CTSB: variants seen among roughly 807,000 people sequenced by gnomAD.
The protein encoded by CTSB is cathepsin B, also known as APP secretase.
A neutral mutation model predicts 44.3 loss-of-function variants in CTSB; 57 were observed. The ratio of observed to expected loss-of-function variants is 1.29; its 90% CI spans 1.04 to 1.60. CTSB has a LOEUF of 1.60. Among genes scored for constraint, CTSB ranks in the 40% most tolerant of loss-of-function variants. CTSB has a pLI of 0.00. For synonymous variants in CTSB, 320 were observed against 168.0 expected (o/e 1.91, Z -7.00); for missense variants, 768 against 443.0 (o/e 1.73, Z -6.59).
chr8:11,853,646 C>T (rs80278310), intron 1 of CTSB, 167 bp from the exon 2 acceptor site: 6,792 of 634,154 alleles, frequency 0.011, 70 homozygotes, highest in Admixed American at 0.016. Context: ...CCCCCCTGCC[C>T]GAAGCACGCC....
Position 11,845,141 on chromosome 8 carries a change from T to G in CTSB, c.1004A>C (p.Tyr335Ser). ...VVAGIPRTDQ[Y>S]WEKI ...CACGGCAGATTAGATCTTTTCCCAGTACTGATCGGTGCGTGGAATTCCAGC... is the reference window on the plus strand; with the variant it reads ...CACGGCAGATTAGATCTTTTCCCAGGACTGATCGGTGCGTGGAATTCCAGC... The change falls in exon 10 of 10, where the codon TAC becomes TCC. Residue 335 changes from tyrosine to serine, a missense_variant. Tyr to Ser is a moderately radical substitution (Grantham distance 144). Coordinates refer to ENST00000353047, the MANE Select transcript of CTSB (RefSeq NM_001908.5). 1 of 1,613,132 alleles carries G rather than the reference T, an allele frequency of 6.2e-7. No individual in the cohort carries two copies. Among genetic ancestry groups the G allele is most frequent in the Non-Finnish European group, 8.5e-7 (1 of 1,179,070 alleles).
chr8:11,843,889 A>C lies in CTSB; in HGVS notation c.*1236T>G, dbSNP rs1240285866. 1 of 152,164 alleles carries C rather than the reference A, an allele frequency of 6.6e-6. No homozygotes were observed. The highest frequency in any genetic ancestry group is 1.5e-5 in the Non-Finnish European group (1 of 68,042). 9.4% of individuals were successfully genotyped at this position (152,164 alleles called of 1,614,324 possible). A position where few individuals can be genotyped will look rare whatever the true frequency, so the allele number is the denominator to read the frequency against. ...GTACTTAAAAATACAAAAATTACCC[A>C]GGCATATTGGTGAGTGCCTGTCATC... On this transcript the variant is annotated 3_prime_UTR_variant, in exon 10 of 10. Coordinates refer to ENST00000353047, the MANE Select transcript of CTSB (RefSeq NM_001908.5).
At chr8:11,853,512 C>T (rs1814981752) in intron 1 of CTSB, 33 bp from the exon 2 acceptor site, 3 of 1,581,162 alleles carry the variant, frequency 1.9e-6, no homozygotes, top group Non-Finnish European at 2.6e-6. Context: ...GGACACCTCT[C>T]TGTTATGTGG....
chr8:11,848,995 G>A (rs759374040), intron 5 of CTSB, 51 bp downstream of exon 5: 2 of 1,373,872 alleles, frequency 1.5e-6, no homozygotes, highest in Admixed American at 1.7e-5. Context: ...AGAAGCTGGG[G>A]CCCAGGGTCT....
intron 1 of CTSB, among the ~76,000 whole-genome samples, chr8:11,854,079 C>G (rs1815094340): frequency 6.6e-6 from 1 of 152,216 alleles, no homozygotes. Flanking sequence ...AGAAGGAAAA[C>G]TCTCACCTCG....
intron 9 of CTSB, 152 bp from the exon 10 acceptor site, chr8:11,845,374 C>T (rs539808130): frequency 1.8e-5 from 12 of 681,304 alleles, no homozygotes; most frequent in Admixed American, 1.3e-4. Context: ...CTTCTGGAGC[C>T]GTGGGGCACA....
chr8:11,866,784 T>C (rs537010617), intron 1 of CTSB, among the ~76,000 whole-genome samples: 1 of 152,262 alleles, frequency 6.6e-6, no homozygotes, highest in African/African-American at 2.4e-5. Context: ...AGCTTGAATT[T>C]GGGAGGCGGA....
rs940795784 is a variant in CTSB at position 11,844,967 on chromosome 8, T to G, written c.*158A>C. 1.6e-6 allele frequency: 1 copy of G among 617,968 alleles called. No homozygotes were observed. Among genetic ancestry groups the G allele is most frequent in the East Asian group, 2.8e-5 (1 of 36,340 alleles). The allele number at this position is 617,968 out of a possible 1,614,324, so 38.3% of individuals were successfully genotyped here. A position where few individuals can be genotyped will look rare whatever the true frequency, so the allele number is the denominator to read the frequency against. Reference sequence around the variant, plus strand: ...TGCACTGTAACCACAGGCTGGGATGTAGCCAGGACTTGGTCTCCTTGGAAG... The same window carrying G: ...TGCACTGTAACCACAGGCTGGGATGGAGCCAGGACTTGGTCTCCTTGGAAG... On this transcript the variant is annotated 3_prime_UTR_variant, in exon 10 of 10. Transcript: ENST00000353047.
At chr8:11,845,539 C>A in intron 9 of CTSB, 122 bp downstream of exon 9, 4 of 1,244,628 alleles carry the variant, frequency 3.2e-6, no homozygotes, top group Non-Finnish European at 4.4e-6. Flanking sequence ...AGGAGGAGCT[C>A]ACAGCCTGGC....
intron 1 of CTSB, among the ~76,000 whole-genome samples, chr8:11,859,498 T>C (rs574340698): frequency 1.2e-4 from 19 of 152,200 alleles, no homozygotes; most frequent in African/African-American, 4.1e-4. Context: ...CAGTGGCTCA[T>C]GCCTGTAATC....
intron 1 of CTSB, among the ~76,000 whole-genome samples, chr8:11,862,711 C>G (rs1816608551): frequency 1.3e-5 from 2 of 152,242 alleles, no homozygotes; most frequent in Admixed American, 6.5e-5. Context: ...GGGACTTGCG[C>G]AAGCCAGGAA....
chr8:11,866,167 G>T (rs1404004671), intron 1 of CTSB, among the ~76,000 whole-genome samples: 1 of 152,058 alleles, frequency 6.6e-6, no homozygotes, highest in East Asian at 1.9e-4. Flanking sequence ...CCCTAAAATG[G>T]GTGCAACTTC....
At chr8:11,848,465 G>C in intron 5 of CTSB, 4 of 463,914 alleles carry the variant, frequency 8.6e-6, no homozygotes, top group Non-Finnish European at 1.2e-5. Flanking sequence ...CAACTGAGCA[G>C]ACGCTAAACT....
intron 1 of CTSB, among the ~76,000 whole-genome samples, chr8:11,856,419 G>A (rs1563417974): frequency 6.6e-6 from 1 of 151,972 alleles, no homozygotes; most frequent in African/African-American, 2.4e-5. Context: ...TTAGAGACCA[G>A]CCTGACTAAG....
intron 1 of CTSB, chr8:11,854,849 T>C (rs939845961): frequency 1.3e-5 from 2 of 152,230 alleles, no homozygotes; most frequent in African/African-American, 4.8e-5. Flanking sequence ...TGCTGGGTGA[T>C]GCTCATCAGC....
chr8:11,849,579 GTT>G (rs376850621), intron 4 of CTSB: 2 of 143,860 alleles, frequency 1.4e-5, no homozygotes, highest in South Asian at 2.2e-4. Context: ...TGTGTGTGTG[GTT>G]TTTTTTTTTT....
Position 11,844,899 on chromosome 8 carries a change from G to C in CTSB, c.*226C>G. On this transcript the variant is annotated 3_prime_UTR_variant, in exon 10 of 10. Coordinates refer to ENST00000353047, the MANE Select transcript of CTSB (RefSeq NM_001908.5). The stretch of plus-strand genomic sequence containing the variant: ...TCCCTACGGCACTAGTCTACAGGGG[G>C]AAGGACGCTCTGTGCTGGCAGCGGT... The C allele has an allele frequency of 1.8e-6, 1 of 557,188 alleles. No individual in the cohort carries two copies. The highest frequency in any genetic ancestry group is 2.3e-5 in the South Asian group (1 of 44,220). 34.5% of individuals were successfully genotyped at this position (557,188 alleles called of 1,614,324 possible).
chr8:11,858,703 C>T (rs577665066), intron 1 of CTSB, among the ~76,000 whole-genome samples: 1 of 152,168 alleles, frequency 6.6e-6, no homozygotes, highest in Non-Finnish European at 1.5e-5. Context: ...ACACAGAGGT[C>T]CTGACAGCAG....
chr8:11,851,919 G>A (rs1480127865), intron 3 of CTSB, among the ~76,000 whole-genome samples: 1 of 152,014 alleles, frequency 6.6e-6, no homozygotes, highest in Non-Finnish European at 1.5e-5. Flanking sequence ...CGCTTGCCTT[G>A]GCATCCCAAA....
Sources: allele counts gnomAD v4.1 joint callset (sites outside exome capture counted in the v4.1 genomes callset), GRCh38; gene constraint gnomAD v4.1.1; transcripts MANE v1.5; gene names NCBI Gene and HGNC (gene_info 2026-07-23, HGNC 2026-07-21).